NLRP2: variants seen among roughly 807,000 people sequenced by gnomAD.
The protein encoded by NLRP2 is NLR family pyrin domain containing 2.
NLRP2 carries 107 observed loss-of-function variants against 97.2 expected under a neutral mutation model. That is an observed-to-expected ratio of 1.10 (90% CI 0.94 to 1.29). The LOEUF is 1.29. NLRP2 is among the 50% of genes most tolerant of loss of function. The pLI is 0.00. For missense variants in NLRP2, 1,495 were observed against 1,330.3 expected, an observed-to-expected ratio of 1.12 and a Z score of -1.93; for synonymous variants, 663 against 551.5, an observed-to-expected ratio of 1.20 and a Z score of -2.83.
intron 7 of NLRP2, among the ~76,000 whole-genome samples, chr19:54,985,677 C>CAAAA (rs113852885): frequency 2.5e-4 from 17 of 67,938 alleles, no homozygotes; most frequent in East Asian, 1.8e-3. Context: ...GACTGCGTCT[C>CAAAA]AAAAAAAAAA....
intron 8 of NLRP2, among the ~76,000 whole-genome samples, chr19:54,988,149 G>T (rs375235750): frequency 2.6e-5 from 4 of 152,142 alleles, no homozygotes; most frequent in African/African-American, 9.7e-5. Flanking sequence ...GGTATTGGAA[G>T]GTTGAATGAA....
In NLRP2 at chr19:54,997,425, T is replaced by C. The variant is rs781455165; in HGVS notation, c.2988T>C (p.Ser996=). 2.5e-6 allele frequency: 4 copies of C among 1,614,220 alleles called. No homozygotes were observed. The Admixed American group carries it at 6.7e-5, about 27-fold the overall frequency. ...ACCTGGGTCAGAATCCCTTGGGGTC[T>C]AGTGGAGTGAAGATGCTGTTTGAAA... ...TLDLGQNPLG[S]SGVKMLFETL... The change falls in exon 12 of 13, where the codon TCT becomes TCC. Residue 996 remains serine (S), a synonymous_variant. Transcript: ENST00000448584.
At position 54,977,760 on chromosome 19, in the gene NLRP2, C is replaced by T. The variant is rs199915061; in HGVS notation, c.334C>T (p.Arg112Trp). 9.3e-6 allele frequency: 15 copies of T among 1,613,636 alleles called. No individual in the cohort carries two copies. Among genetic ancestry groups the T allele is most frequent in the South Asian group, 3.3e-5 (3 of 91,082 alleles). ...KRKPLSLGIT[R>W]KERPPLDVDE... Reference sequence around the variant, plus strand: ...CCGCCCTTTTTCTCCAGGGATAACACGGAAAGAACGACCACCTCTAGACGT... The same window carrying T: ...CCGCCCTTTTTCTCCAGGGATAACATGGAAAGAACGACCACCTCTAGACGT... The change falls in exon 4 of 13, where the codon CGG becomes TGG. Residue 112 changes from arginine to tryptophan, a missense_variant. Transcript: ENST00000448584.
chr19:55,000,526 C>T (rs2073125233), intron 12 of NLRP2, among the ~76,000 whole-genome samples: 1 of 150,642 alleles, frequency 6.6e-6, no homozygotes, highest in Admixed American at 6.6e-5. Context: ...GATCCACCCG[C>T]CTCAGCCTCC....
chr19:54,965,338 G>T (rs970477391), upstream of NLRP2: 3 of 104,144 alleles, frequency 2.9e-5, 1 homozygote, highest in Non-Finnish European at 6.1e-5. Context: ...TCAACCTGCA[G>T]CCCTCATCTC....
chr19:54,992,650 C>T (rs1031974993), intron 10 of NLRP2, among the ~76,000 whole-genome samples: 4 of 149,706 alleles, frequency 2.7e-5, no homozygotes, highest in Non-Finnish European at 5.9e-5. Flanking sequence ...CTGCAACCTC[C>T]ACCTCCTGAG....
At chr19:54,968,214 G>A (rs568409748) in intron 1 of NLRP2, among the ~76,000 whole-genome samples, 2 of 115,182 alleles carry the variant, frequency 1.7e-5, no homozygotes, top group Non-Finnish European at 3.9e-5. Flanking sequence ...CACCGCACCC[G>A]GCCCTGTTGT....
Position 54,969,975 on chromosome 19 carries a change from C to T in NLRP2, c.-17-24C>T, listed in dbSNP as rs192055098. On this transcript the variant is annotated intron_variant, in intron 1 of 12. Transcript: ENST00000448584. ...GAGTGCTAATCACCATCCCTCTCCA[C>T]TCCTCCCTTGATTGTCATCACAGCT... is the stretch of plus-strand genomic sequence containing the variant. The T allele has an allele frequency of 3.0e-3, 4,854 of 1,610,944 alleles. 15 individuals carry two copies. The highest frequency in any genetic ancestry group is 6.1e-3 in the Middle Eastern group (28 of 4,614).
chr19:54,988,121 G>A (rs1426241782), intron 8 of NLRP2, among the ~76,000 whole-genome samples: 1 of 152,114 alleles, frequency 6.6e-6, no homozygotes, highest in African/African-American at 2.4e-5. Flanking sequence ...AGTTGAATAG[G>A]ATGCTGTACA....
intron 3 of NLRP2, among the ~76,000 whole-genome samples, chr19:54,975,521 G>A (rs1379149997): frequency 3.5e-5 from 5 of 142,488 alleles, no homozygotes; most frequent in Non-Finnish European, 7.5e-5. Context: ...GCGTGATCTC[G>A]GCTCACTGCA....
intron 12 of NLRP2, among the ~76,000 whole-genome samples, chr19:55,000,094 C>T (rs572817141): frequency 1.3e-5 from 2 of 151,524 alleles, no homozygotes; most frequent in Admixed American, 6.6e-5. Context: ...GTTTAGGCAA[C>T]ATGGTAAAAC....
chr19:54,973,213 G>A (rs140853608), intron 2 of NLRP2, among the ~76,000 whole-genome samples: 2 of 151,124 alleles, frequency 1.3e-5, no homozygotes, highest in Non-Finnish European at 3.0e-5. Context: ...AACAAACATG[G>A]TATTAATTAC....
chr19:54,970,379 G>A (rs966102555), intron 2 of NLRP2, 84 bp downstream of exon 2: 23 of 1,511,216 alleles, frequency 1.5e-5, no homozygotes, highest in African/African-American at 8.2e-5. Context: ...GGCCAGGCGC[G>A]CTGGCTCACG....
chr19:54,978,218 C>T (rs1421309887), intron 4 of NLRP2, among the ~76,000 whole-genome samples: 6 of 146,938 alleles, frequency 4.1e-5, no homozygotes, highest in African/African-American at 1.5e-4. Flanking sequence ...TAGGCACCTG[C>T]CACCACACCC....
rs370027644 is a variant in NLRP2 at position 54,974,441 on chromosome 19, G to T, written c.281-59G>T. On this transcript the variant is annotated intron_variant, in intron 2 of 12. Transcript: ENST00000448584. ...AAGTGTCATCTTTTCTTTTATGAAG[G>T]CAATAAAATCTTGAGCTTATGGTAA... 396 of 1,186,134 alleles carry T rather than the reference G, an allele frequency of 3.3e-4. 3 individuals are homozygous for T. The highest frequency in any genetic ancestry group is 6.8e-5 in the Non-Finnish European group (54 of 790,410). 73.5% of individuals were successfully genotyped at this position (1,186,134 alleles called of 1,614,324 possible).
At position 54,973,743 on chromosome 19, in the gene NLRP2, T is replaced by C. The variant is rs925378851; in HGVS notation, c.281-757T>C. The C allele has an allele frequency of 1.5e-5, 7 of 476,008 alleles. No individual in the cohort carries two copies. The East Asian group carries it at 3.2e-4, about 22-fold the overall frequency. The allele number at this position is 476,008 out of a possible 1,614,324, so 29.5% of individuals were successfully genotyped here. ...AAACGGCAGGAGGAAACCCAGAGAGTTGTAAACTTACGAAGGTCTGGGCTC... is the reference window on the plus strand; with the variant it reads ...AAACGGCAGGAGGAAACCCAGAGAGCTGTAAACTTACGAAGGTCTGGGCTC... On this transcript the variant is annotated intron_variant, in intron 2 of 12. Transcript: ENST00000448584.
chr19:54,967,531 C>G (rs867320058), intron 1 of NLRP2, among the ~76,000 whole-genome samples: 7 of 152,006 alleles, frequency 4.6e-5, no homozygotes, highest in South Asian at 4.2e-4. Flanking sequence ...GAAAGAGTAG[C>G]AGATGCTTAG....
In NLRP2 at chr19:55,000,811, A is replaced by G; in HGVS notation, c.3102A>G (p.Ile1034Met). 6.2e-7 allele frequency: 1 copy of G among 1,613,790 alleles called. No homozygotes were observed. The highest frequency in any genetic ancestry group is 8.5e-7 in the Non-Finnish European group (1 of 1,179,740). ...AACTCAATAAGCTGCTGGAAGAAAT[A>G]GAAGAAAAAAACCCACAACTGATTA... The part of the protein sequence containing the change: ...NDELNKLLEE[I>M]EEKNPQLIID... The change falls in exon 13 of 13, where the codon ATA becomes ATG. Residue 1034 changes from isoleucine to methionine, a missense_variant. By Grantham distance (10) the Ile-to-Met change is conservative. Coordinates refer to ENST00000448584, the MANE Select transcript of NLRP2 (RefSeq NM_017852.5).
chr19:54,989,981 A>AG, intron 8 of NLRP2, 41 bp from the exon 9 acceptor site: 1 of 293,058 alleles, frequency 3.4e-6, no homozygotes, highest in Non-Finnish European at 4.9e-6. Flanking sequence ...ACTCAGTCTC[A>AG]AAAAAAAAAA....
Sources: gnomAD v4.1 joint callset for allele counts (sites outside exome capture counted in the v4.1 genomes callset) on GRCh38, gnomAD v4.1.1 for gene constraint, MANE v1.5 for transcripts, NCBI Gene and HGNC (gene_info 2026-07-23, HGNC 2026-07-21) for gene names.